EFL1: variants seen among roughly 807,000 people sequenced by gnomAD.
EFL1 encodes elongation factor like GTPase 1.
In EFL1, 76 loss-of-function variants were observed where a neutral mutation model predicts 126.7. That is an observed-to-expected ratio of 0.60 (90% CI 0.50 to 0.73). The LOEUF (loss-of-function observed/expected upper bound fraction) is 0.73, where lower values mean the gene tolerates loss of function less well. Among genes scored for constraint, EFL1 ranks in the 30% least tolerant of loss-of-function variants. The probability of loss-of-function intolerance (pLI) is 0.00; values close to 1 mark genes in which losing one functional copy is unlikely to be tolerated. For synonymous variants in EFL1, 410 were observed against 448.4 expected (o/e 0.91, Z 1.08); for missense variants, 1,128 against 1,343.2 (o/e 0.84, Z 2.50).
intron 15 of EFL1, among the ~76,000 whole-genome samples, chr15:82,180,388 CA>C (rs1249635717): frequency 2.1e-5 from 2 of 96,196 alleles, no homozygotes; most frequent in East Asian, 3.1e-4. Flanking sequence ...AAAAAACAAA[CA>C]AAAAAAACCA....
chr15:82,253,561 T>C (rs1031630588), intron 3 of EFL1, among the ~76,000 whole-genome samples: 4 of 152,206 alleles, frequency 2.6e-5, no homozygotes, highest in African/African-American at 9.6e-5. Context: ...GAATTCTTTC[T>C]AAACATCAAT....
chr15:82,142,008 C>T (rs946597271), intron 18 of EFL1, among the ~76,000 whole-genome samples: 28 of 152,180 alleles, frequency 1.8e-4, no homozygotes, highest in Non-Finnish European at 3.5e-4. Context: ...ACCTTCCAAA[C>T]ACACTTGGTT....
intron 15 of EFL1, 54 bp downstream of exon 15, chr15:82,214,663 T>C: frequency 2.3e-6 from 3 of 1,294,598 alleles, no homozygotes; most frequent in Non-Finnish European, 3.2e-6. Context: ...TTCAGTGACA[T>C]GTTAGATAAT....
At position 82,152,288 on chromosome 15, in the gene EFL1, T is replaced by C; in HGVS notation, c.2166A>G (p.Lys722=). The change falls in exon 18 of 20, where the codon AAA becomes AAG. Residue 722 remains lysine, a synonymous_variant. Transcript: ENST00000268206. ...CTTCAGGGATTTTGCTTTGATCTTC[T>C]TTCATTTGGTGTATGACTGCAACTT... ...QQKVAVIHQM[K]EDQSKIPEGI... 1 of 1,614,202 alleles carries C rather than the reference T, an allele frequency of 6.2e-7. No homozygotes were observed. The highest frequency in any genetic ancestry group is 8.5e-7 in the Non-Finnish European group (1 of 1,180,028).
intron 15 of EFL1, among the ~76,000 whole-genome samples, chr15:82,212,108 A>G (rs2074596846): frequency 6.6e-6 from 1 of 152,214 alleles, no homozygotes; most frequent in South Asian, 2.1e-4. Flanking sequence ...CCATCATATA[A>G]TGACAATTTG....
chr15:82,159,007 G>A (rs925281667), intron 16 of EFL1, among the ~76,000 whole-genome samples: 10 of 152,218 alleles, frequency 6.6e-5, no homozygotes, highest in Non-Finnish European at 4.4e-5. Context: ...CATGCTCTGC[G>A]GATGGATGTC....
Position 82,230,956 on chromosome 15 carries a change from G to A in EFL1, c.747C>T (p.Ala249=), listed in dbSNP as rs1327995758. 9 of 1,611,678 alleles carry A rather than the reference G, an allele frequency of 5.6e-6. No homozygotes were observed. Among genetic ancestry groups the A allele is most frequent in the Middle Eastern group, 1.7e-4 (1 of 6,050 alleles). The change falls in exon 8 of 20, where the codon GCC becomes GCT. Residue 249 remains alanine, a synonymous_variant. Coordinates refer to ENST00000268206, the MANE Select transcript of EFL1 (RefSeq NM_024580.6). The part of the protein sequence containing the change: ...DGWGFGIEHF[A]RIYSQKIGIK... ...TGCCAATTTTTTGACTGTAGATTCTGGCGAAGTGCTCAATTCTGAAAGAAG... is the reference window on the plus strand; with the variant it reads ...TGCCAATTTTTTGACTGTAGATTCTAGCGAAGTGCTCAATTCTGAAAGAAG...
chr15:82,160,450 T>C (rs2074011417), intron 16 of EFL1, among the ~76,000 whole-genome samples: 1 of 152,224 alleles, frequency 6.6e-6, no homozygotes, highest in African/African-American at 2.4e-5. Flanking sequence ...ATTAGGTAAC[T>C]AAAATAATTA....
intron 16 of EFL1, among the ~76,000 whole-genome samples, chr15:82,160,561 AT>A (rs967626546): frequency 1.1e-3 from 162 of 152,314 alleles, no homozygotes; most frequent in African/African-American, 3.6e-3. Context: ...TTTCATCTTA[AT>A]TTTTAAATAA....
rs1345595773 is a variant in EFL1 at position 82,262,720 on chromosome 15, G to A, written c.-126C>T. The A allele has an allele frequency of 1.2e-6, 1 of 843,016 alleles. No individual in the cohort carries two copies. Among genetic ancestry groups the A allele is most frequent in the Non-Finnish European group, 1.8e-6 (1 of 568,100 alleles). The allele number at this position is 843,016 out of a possible 1,614,324, so 52.2% of individuals were successfully genotyped here. The stretch of plus-strand genomic sequence containing the variant: ...CGGGTCCGACACGCCCGCGCGCCAG[G>A]GGGCGGGGCCGGCTGTCGCTCGACC... On this transcript the variant is annotated 5_prime_UTR_variant, in exon 1 of 20. Coordinates refer to ENST00000268206, the MANE Select transcript of EFL1 (RefSeq NM_024580.6).
rs1319240500 is a variant in EFL1 at position 82,250,705 on chromosome 15, A to C, written c.244+1986T>G. Among the ~76,000 whole-genome samples, 27 of 151,986 alleles carry C rather than the reference A, an allele frequency of 1.8e-4. 1 individual carries two copies. Among genetic ancestry groups the C allele is most frequent in the African/African-American group, 6.1e-4 (25 of 41,260 alleles). On this transcript the variant is annotated intron_variant, in intron 4 of 19. Coordinates refer to ENST00000268206, the MANE Select transcript of EFL1 (RefSeq NM_024580.6). The stretch of plus-strand genomic sequence containing the variant: ...AAGGACAACAGTGGAGTTCCAGAGG[A>C]AGGATCCATAAACTTTTACTGATAC...
chr15:82,164,145 C>A (rs1489397213), intron 15 of EFL1, among the ~76,000 whole-genome samples, 161 bp from the exon 16 acceptor site: 1 of 151,270 alleles, frequency 6.6e-6, no homozygotes, highest in Non-Finnish European at 1.5e-5. Context: ...TTTTTGTACA[C>A]CTGGATACCA....
At chr15:82,160,992 A>C (rs1345301364) in intron 16 of EFL1, among the ~76,000 whole-genome samples, 3 of 152,206 alleles carry the variant, frequency 2.0e-5, no homozygotes, top group Non-Finnish European at 4.4e-5. Context: ...ATTGCTTTGG[A>C]ACATTTGTAG....
intron 19 of EFL1, among the ~76,000 whole-genome samples, chr15:82,131,092 C>T (rs1388380275): frequency 6.6e-6 from 1 of 152,096 alleles, no homozygotes; most frequent in Non-Finnish European, 1.5e-5. Context: ...TTGTAACATA[C>T]ATTATTATTC....
chr15:82,169,122 C>A (rs2074107773), intron 15 of EFL1, among the ~76,000 whole-genome samples: 1 of 152,090 alleles, frequency 6.6e-6, no homozygotes, highest in South Asian at 2.1e-4. Flanking sequence ...TAACGCGGTT[C>A]TCAGTGTGGG....
chr15:82,203,737 A>G (rs2074495706), intron 15 of EFL1, among the ~76,000 whole-genome samples: 1 of 152,138 alleles, frequency 6.6e-6, no homozygotes, highest in South Asian at 2.1e-4. Flanking sequence ...AATTAATTCT[A>G]TTTGTGAGAC....
chr15:82,149,338 C>A (rs997731495), intron 18 of EFL1, among the ~76,000 whole-genome samples: 14 of 151,860 alleles, frequency 9.2e-5, no homozygotes, highest in Admixed American at 9.2e-4. Context: ...ACAGTCTAGT[C>A]AATTACCAAA....
intron 18 of EFL1, among the ~76,000 whole-genome samples, chr15:82,141,222 GAAA>G (rs1408695105): frequency 1.3e-5 from 2 of 152,142 alleles, no homozygotes; most frequent in African/African-American, 4.8e-5. Context: ...AGTATAGTCT[GAAA>G]AGGTCCCAAA....
chr15:82,219,522 A>G (rs1418130140), intron 14 of EFL1, 130 bp downstream of exon 14: 4 of 961,986 alleles, frequency 4.2e-6, no homozygotes, highest in Non-Finnish European at 6.1e-6. Flanking sequence ...AAGGATACAC[A>G]GTCACTCAAG....
Sources: allele counts gnomAD v4.1 joint callset (sites outside exome capture counted in the v4.1 genomes callset), GRCh38; gene constraint gnomAD v4.1.1; transcripts MANE v1.5; gene names NCBI Gene and HGNC (gene_info 2026-07-23, HGNC 2026-07-21).